The following RBFOX1 variants were observed in gnomAD, a reference collection of about 807,000 sequenced individuals.
RBFOX1 encodes the protein RNA binding protein fox-1 homolog 1.
In RBFOX1, 8 loss-of-function variants were observed where a neutral mutation model predicts 57.7. The observed-to-expected ratio is 0.14, with a 90% CI of 0.08 to 0.25. The LOEUF (loss-of-function observed/expected upper bound fraction) is 0.25. Ranked by LOEUF, RBFOX1 falls within the 10% of genes least tolerant of loss-of-function variation. RBFOX1 has a pLI of 1.00. For missense variants in RBFOX1, 611 were observed against 548.5 expected, an observed-to-expected ratio of 1.11 and a Z score of -1.14; for synonymous variants, 326 against 222.4, an observed-to-expected ratio of 1.47 and a Z score of -4.15.
At chr16:6,816,830 A>C (rs12599221) in intron 3 of RBFOX1, among the ~76,000 whole-genome samples, 72,302 of 151,486 alleles carry the variant, frequency 0.48, 17,545 homozygotes, top group Non-Finnish European at 0.51. Context: ...CTGCAGTCTC[A>C]AACTCCTGGG....
chr16:7,587,185 G>C, intron 6 of RBFOX1, 62 bp from the exon 7 acceptor site: 1 of 1,421,076 alleles, frequency 7.0e-7, no homozygotes. Flanking sequence ...AATTACTACT[G>C]TACATAGTAA....
At chr16:7,001,512 A>T (rs1345922095) in intron 3 of RBFOX1, among the ~76,000 whole-genome samples, 2 of 152,136 alleles carry the variant, frequency 1.3e-5, no homozygotes. Flanking sequence ...GATGGAGTAC[A>T]GTTGCATGAT....
At chr16:6,478,404 TATATATATATATATATATATATA>T (rs2095309599) in intron 2 of RBFOX1, among the ~76,000 whole-genome samples, 2 of 16,982 alleles carry the variant, frequency 1.2e-4, no homozygotes, top group Non-Finnish European at 1.0e-4. Context: ...TATATATATA[TATATATATATATATATATATATA>T]TATTTTTTTT....
At chr16:7,399,257 G>C (rs1395828258) in intron 4 of RBFOX1, among the ~76,000 whole-genome samples, 4 of 151,834 alleles carry the variant, frequency 2.6e-5, no homozygotes, top group Non-Finnish European at 5.9e-5. Context: ...AGACCAGCTT[G>C]ACCAACACGG....
At chr16:5,809,099 G>C (rs372119916) in intron 3 of RBFOX1, among the ~76,000 whole-genome samples, 7 of 152,252 alleles carry the variant, frequency 4.6e-5, no homozygotes, top group African/African-American at 1.7e-4. Flanking sequence ...ATAAATGGTG[G>C]TGGGAAAACT....
intron 3 of RBFOX1, among the ~76,000 whole-genome samples, chr16:5,639,935 G>C (rs762403194): frequency 2.6e-5 from 4 of 152,200 alleles, no homozygotes; most frequent in Non-Finnish European, 4.4e-5. Flanking sequence ...GGCAAGCTGA[G>C]CATCTCTTTT....
rs567841574 is a variant in RBFOX1 at position 5,396,090 on chromosome 16, G to T, written c.220-71126G>T. ...CTGTAGAAACTGTGAGATAACAAAT[G>T]TGTGTTGTTTTAAGCCCCCAGGGTT... On this transcript the variant is annotated intron_variant, in intron 1 of 2. Transcript: ENST00000585867. Among the ~76,000 whole-genome samples, 20 of 152,264 alleles carry T rather than the reference G, an allele frequency of 1.3e-4. No individual in the cohort carries two copies. The South Asian group carries it at 3.9e-3, about 30-fold the overall frequency.
intron 3 of RBFOX1, among the ~76,000 whole-genome samples, chr16:7,004,562 T>A (rs2093132329): frequency 6.6e-6 from 1 of 152,218 alleles, no homozygotes; most frequent in African/African-American, 2.4e-5. Context: ...CCTAGCTATG[T>A]ATCTAAGGTT....
intron 1 of RBFOX1, among the ~76,000 whole-genome samples, chr16:6,296,300 C>T (rs1156999750): frequency 6.6e-6 from 1 of 152,166 alleles, no homozygotes; most frequent in Admixed American, 6.5e-5. Flanking sequence ...AGAATCCTGG[C>T]TTTATTACTA....
chr16:6,189,494 A>G (rs1431211200), intron 1 of RBFOX1, among the ~76,000 whole-genome samples: 1 of 152,176 alleles, frequency 6.6e-6, no homozygotes, highest in African/African-American at 2.4e-5. Context: ...AGAAGGGTTA[A>G]ATGCATTGGT....
chr16:5,961,495 AAC>A (rs2059747731), intron 4 of RBFOX1, among the ~76,000 whole-genome samples: 1 of 152,056 alleles, frequency 6.6e-6, no homozygotes, highest in African/African-American at 2.4e-5. Flanking sequence ...AACAAAACAA[AAC>A]AAAACAATAG....
chr16:6,440,736 G>A (rs1414213674), intron 2 of RBFOX1, among the ~76,000 whole-genome samples: 3 of 151,584 alleles, frequency 2.0e-5, no homozygotes, highest in East Asian at 1.9e-4. Flanking sequence ...GGGAGGCAGA[G>A]GTTTCAATGA....
chr16:6,675,260 G>C (rs1357191229), intron 3 of RBFOX1, among the ~76,000 whole-genome samples: 1 of 152,116 alleles, frequency 6.6e-6, no homozygotes, highest in African/African-American at 2.4e-5. Flanking sequence ...CATCCCTAGG[G>C]AACTAACATA....
In RBFOX1 at chr16:7,286,239, C is replaced by T. The variant is rs535030344; in HGVS notation, c.28-231908C>T. 4.6e-5 allele frequency among the ~76,000 whole-genome samples: 7 copies of T among 152,204 alleles called. No individual in the cohort carries two copies. The East Asian group carries it at 7.7e-4, about 17-fold the overall frequency. On this transcript the variant is annotated intron_variant, in intron 4 of 15. Coordinates refer to ENST00000550418, the MANE Select transcript of RBFOX1 (RefSeq NM_018723.4). ...AATAGGTAAACACTTGTAGCACAAT[C>T]GCCATTGTAAGATATGATTTTGGTT...
chr16:6,530,838 C>A (rs751302822), intron 2 of RBFOX1, among the ~76,000 whole-genome samples: 1 of 152,048 alleles, frequency 6.6e-6, no homozygotes, highest in Non-Finnish European at 1.5e-5. Context: ...TTACCTTCCA[C>A]CGGATCCCTC....
At chr16:6,687,894 G>T (rs553103625) in intron 3 of RBFOX1, among the ~76,000 whole-genome samples, 1 of 152,302 alleles carries the variant, frequency 6.6e-6, no homozygotes, top group East Asian at 1.9e-4. Context: ...CACAGTGAAT[G>T]CATGTTATTT....
intron 1 of RBFOX1, among the ~76,000 whole-genome samples, chr16:6,021,870 A>G (rs2095086382): frequency 6.6e-6 from 1 of 152,246 alleles, no homozygotes; most frequent in South Asian, 2.1e-4. Context: ...AGCACTAAAC[A>G]TTTAGAACAG....
At chr16:5,974,701 A>C (rs894186926) in intron 4 of RBFOX1, among the ~76,000 whole-genome samples, 4 of 152,008 alleles carry the variant, frequency 2.6e-5, no homozygotes. Flanking sequence ...GTATAGAGGA[A>C]CTTTACTATT....
intron 3 of RBFOX1, among the ~76,000 whole-genome samples, chr16:5,741,639 G>A (rs1416631662): frequency 2.0e-5 from 3 of 151,990 alleles, no homozygotes; most frequent in South Asian, 4.1e-4. Flanking sequence ...AATTTATTGC[G>A]ACACATATAT....
Sources: allele counts gnomAD v4.1 joint callset (sites outside exome capture counted in the v4.1 genomes callset), GRCh38; gene constraint gnomAD v4.1.1; transcripts MANE v1.5; gene names NCBI Gene and HGNC (gene_info 2026-07-23, HGNC 2026-07-21).